CFAP92: variants seen among roughly 807,000 people sequenced by gnomAD.
CFAP92 encodes the protein uncharacterized protein CFAP92.
In CFAP92, 86 loss-of-function variants were observed where a neutral mutation model predicts 106.3. That is an observed-to-expected ratio of 0.81 (90% CI 0.68 to 0.97). The LOEUF (loss-of-function observed/expected upper bound fraction) is 0.97. Among genes scored for constraint, CFAP92 ranks in the 50% least tolerant of loss-of-function variants. The pLI is 0.00. For missense variants in CFAP92, 1,204 were observed against 1,283.8 expected (o/e 0.94, Z 0.95); for synonymous variants, 477 against 506.4 (o/e 0.94, Z 0.78).
chr3:128,926,888 G>A (rs962624608), intron 12 of CFAP92, among the ~76,000 whole-genome samples: 2 of 152,100 alleles, frequency 1.3e-5, no homozygotes, highest in African/African-American at 4.8e-5. Context: ...AAGGTCAGGA[G>A]ATTGAGACCA....
Position 128,994,061 on chromosome 3 carries a change from AAG to A in CFAP92, c.-116_-115del. On this transcript the variant is annotated 5_prime_UTR_variant, in exon 1 of 16. Coordinates refer to ENST00000645291, the MANE Select transcript of CFAP92 (RefSeq NM_001394090.1). ...TACCGGATCCACAGCCACCTGGGCGAAGAGACTCCAAGACTGAGAGGAGCGTC... is the reference window on the plus strand; with the variant it reads ...TACCGGATCCACAGCCACCTGGGCGAAGACTCCAAGACTGAGAGGAGCGTC... The A allele has an allele frequency of 1.6e-5, 16 of 986,472 alleles. No individual in the cohort carries two copies. Among genetic ancestry groups the A allele is most frequent in the Non-Finnish European group, 1.9e-5 (16 of 830,478 alleles). 61.1% of individuals were successfully genotyped at this position (986,472 alleles called of 1,614,324 possible). A position where few individuals can be genotyped will look rare whatever the true frequency, so the allele number is the denominator to read the frequency against.
At chr3:128,958,090 A>G (rs557687043) in intron 9 of CFAP92, among the ~76,000 whole-genome samples, 1 of 152,026 alleles carries the variant, frequency 6.6e-6, no homozygotes, top group Non-Finnish European at 1.5e-5. Flanking sequence ...TCCCCCTTTC[A>G]TAAGGATACC....
chr3:128,947,163 G>A (rs1940296424), intron 9 of CFAP92, among the ~76,000 whole-genome samples: 1 of 151,772 alleles, frequency 6.6e-6, no homozygotes, highest in Non-Finnish European at 1.5e-5. Context: ...TGGCTCGGCA[G>A]AAGTCTACTA....
At chr3:128,939,322 A>C (rs1279001291) in intron 10 of CFAP92, among the ~76,000 whole-genome samples, 1 of 152,122 alleles carries the variant, frequency 6.6e-6, no homozygotes, top group Non-Finnish European at 1.5e-5. Flanking sequence ...TATTTTTAGT[A>C]GAGACGGGTT....
chr3:128,977,439 A>G (rs1466208189), intron 5 of CFAP92, among the ~76,000 whole-genome samples: 2 of 152,240 alleles, frequency 1.3e-5, no homozygotes, highest in Non-Finnish European at 2.9e-5. Context: ...ATGAAATACT[A>G]CATAGCCACC....
chr3:128,927,392 C>T (rs552719761), intron 12 of CFAP92, among the ~76,000 whole-genome samples: 22 of 152,138 alleles, frequency 1.4e-4, no homozygotes, highest in Admixed American at 1.4e-3. Flanking sequence ...TGATCCAGTT[C>T]AAAAGGTTGT....
At chr3:128,924,747 G>A (rs573267532) in intron 12 of CFAP92, among the ~76,000 whole-genome samples, 5 of 152,150 alleles carry the variant, frequency 3.3e-5, no homozygotes, top group South Asian at 4.1e-4. Context: ...ACGCCCGACC[G>A]ATTGTATCTT....
Position 128,932,762 on chromosome 3 carries a change from A to G in CFAP92, c.2689T>C (p.Tyr897His). Reference protein sequence around the residue: ...TLEIHAHQEKYLQWRSAMLMK... With the variant: ...TLEIHAHQEKHLQWRSAMLMK... Reference sequence around the variant, plus strand: ...AGCATGGCACTCCGCCACTGCAGGTACTTCTCCTGGTGGGCGTGGATCTCT... The same window carrying G: ...AGCATGGCACTCCGCCACTGCAGGTGCTTCTCCTGGTGGGCGTGGATCTCT... Residue 897 changes from tyrosine (Y) to histidine (H), a missense_variant, in exon 12 of 16, where the codon TAC becomes CAC. Coordinates refer to ENST00000645291, the MANE Select transcript of CFAP92 (RefSeq NM_001394090.1). 6.5e-7 allele frequency: 1 copy of G among 1,536,004 alleles called. No individual in the cohort carries two copies. Among genetic ancestry groups the G allele is most frequent in the Middle Eastern group, 1.7e-4 (1 of 5,856 alleles).
At chr3:128,953,901 TCAGTGCTCAATGGTGCC>T (rs1941113092) in intron 9 of CFAP92, among the ~76,000 whole-genome samples, 1 of 111,466 alleles carries the variant, frequency 9.0e-6, no homozygotes, top group Non-Finnish European at 1.6e-5. Flanking sequence ...TCTCGTTCAC[TCAGTGCTCAATGGTGCC>T]CAGGCTGGAG....
In CFAP92 at chr3:128,986,519, CTTTT is replaced by C. The variant is rs569833601; in HGVS notation, c.667+1093_667+1096del. 2.2e-3 allele frequency among the ~76,000 whole-genome samples: 337 copies of C among 152,234 alleles called. 3 individuals carry two copies. The highest frequency in any genetic ancestry group is 2.4e-3 in the Non-Finnish European group (165 of 68,016). ...TACAGGCATGAGCCACTGTACCTGC[CTTTT>C]TTTAATTTTTAACATCTCTAAGCAT... On this transcript the variant is annotated intron_variant, in intron 4 of 15. Coordinates refer to ENST00000645291, the MANE Select transcript of CFAP92 (RefSeq NM_001394090.1).
intron 10 of CFAP92, among the ~76,000 whole-genome samples, chr3:128,940,478 C>T (rs1027100658): frequency 2.0e-5 from 3 of 152,170 alleles, no homozygotes; most frequent in Non-Finnish European, 2.9e-5. Context: ...ACATCCTTGC[C>T]AACACTTGTC....
rs940087435 is a variant in CFAP92 at position 128,935,155 on chromosome 3, T to A, written c.2423A>T (p.Glu808Val). The A allele has an allele frequency of 4.6e-6, 7 of 1,534,566 alleles. No homozygotes were observed. In the African/African-American group the frequency reaches 9.6e-5, roughly 21 times the overall value. Residue 808 changes from glutamate (E) to valine (V), a missense_variant, in exon 11 of 16, where the codon GAG becomes GTG. Glu to Val is a moderately radical substitution (Grantham distance 121). Coordinates refer to ENST00000645291, the MANE Select transcript of CFAP92 (RefSeq NM_001394090.1). Reference protein sequence around the residue: ...QQAVFFLRDTERRRVFQALAR... With the variant: ...QQAVFFLRDTVRRRVFQALAR... The stretch of plus-strand genomic sequence containing the variant: ...TAGAGCCTGGAAGACCCGCCTCCGC[T>A]CAGTGTCTCGCAGGAAGAACACCGC...
At chr3:128,948,768 G>A (rs1940509777) in intron 9 of CFAP92, among the ~76,000 whole-genome samples, 1 of 151,814 alleles carries the variant, frequency 6.6e-6, no homozygotes, top group African/African-American at 2.4e-5. Flanking sequence ...GACCTCAAGT[G>A]ATCCGCCCGC....
chr3:128,914,909 T>C (rs754493668), intron 15 of CFAP92: 1 of 568,696 alleles, frequency 1.8e-6, no homozygotes, highest in Non-Finnish European at 3.1e-6. Context: ...GTCACACAAA[T>C]GTCACACTTG....
chr3:129,004,500 C>T (rs1944980657), upstream of CFAP92, among the ~76,000 whole-genome samples: 1 of 146,918 alleles, frequency 6.8e-6, no homozygotes, highest in Admixed American at 6.8e-5. Context: ...CCCATCCACT[C>T]ACCCACCCAC....
chr3:128,987,116 G>A (rs1004225762), intron 4 of CFAP92, among the ~76,000 whole-genome samples: 11 of 152,048 alleles, frequency 7.2e-5, no homozygotes, highest in Non-Finnish European at 1.3e-4. Context: ...AGCCGAGATC[G>A]CACCACCGCA....
At chr3:129,000,371 T>A (rs1299198840) in intron 1 of CFAP92, among the ~76,000 whole-genome samples, 1 of 152,212 alleles carries the variant, frequency 6.6e-6, no homozygotes, top group African/African-American at 2.4e-5. Context: ...ACGTGCTGAT[T>A]CTGGGATACT....
At chr3:128,915,787 C>T in intron 13 of CFAP92, 2 of 500,826 alleles carry the variant, frequency 4.0e-6, no homozygotes, top group Non-Finnish European at 7.0e-6. Flanking sequence ...GAAGCCTAAA[C>T]CATGGCTTTC....
chr3:129,022,029 G>A, the CFAP92 span, among the ~76,000 whole-genome samples: 179 of 152,298 alleles, frequency 1.2e-3, 1 homozygote, highest in East Asian at 0.013. Context: ...CGGGGCAGGC[G>A]CAGAGCTCTG....
Sources: allele counts gnomAD v4.1 joint callset (sites outside exome capture counted in the v4.1 genomes callset), GRCh38; gene constraint gnomAD v4.1.1; transcripts MANE v1.5; gene names NCBI Gene and HGNC (gene_info 2026-07-23, HGNC 2026-07-21).